Variants in BTRC observed in about 807,000 individuals in gnomAD.
The protein encoded by BTRC is beta-transducin repeat containing E3 ubiquitin protein ligase, also known as F-box/WD repeat-containing protein 1A.
BTRC carries 42 observed loss-of-function variants against 85.5 expected under a neutral mutation model. The observed-to-expected ratio is 0.49, with a 90% CI of 0.38 to 0.64. The LOEUF is 0.64. Among genes scored for constraint, BTRC ranks in the 30% least tolerant of loss-of-function variants. The pLI, the probability that BTRC is intolerant of heterozygous loss-of-function variation, is 0.00. For synonymous variants in BTRC, 255 were observed against 263.3 expected (o/e 0.97, Z 0.30); for missense variants, 594 against 743.5 (o/e 0.80, Z 2.34).
chr10:101,437,721 C>G (rs1032007212), intron 2 of BTRC, among the ~76,000 whole-genome samples: 2 of 152,142 alleles, frequency 1.3e-5, no homozygotes, highest in Non-Finnish European at 2.9e-5. Context: ...TTGAATTTGG[C>G]TTATATCTGA....
rs141493730 is a variant in BTRC, at chr10:101,535,388, C to T, written c.1382C>T (p.Thr461Ile). The T allele has an allele frequency of 1.9e-6, 3 of 1,613,832 alleles. No individual in the cohort carries two copies. In the African/African-American group the frequency reaches 4.0e-5, roughly 22 times the overall value. The change falls in exon 11 of 15, where the codon ACC becomes ATC. Residue 461 changes from threonine (T) to isoleucine (I), a missense_variant. Coordinates refer to ENST00000370187, the MANE Select transcript of BTRC (RefSeq NM_033637.4). ...ACAAGTACTTGTGAATTTGTAAGGA[C>T]CTTAAATGGACACAAACGAGGCATT... ...WNTSTCEFVR[T>I]LNGHKRGIAC...
chr10:101,505,157 G>GTATATGTATATA (rs1946497418), intron 4 of BTRC, among the ~76,000 whole-genome samples: 1 of 118,926 alleles, frequency 8.4e-6, no homozygotes, highest in Admixed American at 9.0e-5. Context: ...ATATGTATAT[G>GTATATGTATATA]TATATATATA....
chr10:101,398,255 A>G (rs1943411645), intron 1 of BTRC, among the ~76,000 whole-genome samples: 1 of 152,198 alleles, frequency 6.6e-6, no homozygotes, highest in South Asian at 2.1e-4. Context: ...AAATATCCAT[A>G]AAATTAAGTA....
At position 101,522,378 on chromosome 10, in the gene BTRC, A is replaced by C. The variant is rs1182873310; in HGVS notation, c.556+508A>C. Among the ~76,000 whole-genome samples the C allele has an allele frequency of 2.9e-3, 95 of 33,330 alleles. 1 individual carries two copies. In the East Asian group the frequency reaches 0.13, roughly 47 times the overall value. The allele number at this position is 33,330 out of a possible 152,430, so 21.9% of individuals were successfully genotyped here. A position where few individuals can be genotyped will look rare whatever the true frequency, so the allele number is the denominator to read the frequency against. ...AAAAAAAAAAAAAACAAAAAAAAAC[A>C]AAAAAAAAAAAACTCTAGAAATAAA... On this transcript the variant is annotated intron_variant, in intron 5 of 14. Transcript: ENST00000370187.
chr10:101,408,434 G>A (rs1221977047), intron 1 of BTRC, among the ~76,000 whole-genome samples: 2 of 152,024 alleles, frequency 1.3e-5, no homozygotes, highest in Non-Finnish European at 2.9e-5. Context: ...AGCCTCCTGA[G>A]TAGCTGGGAC....
chr10:101,438,342 A>G (rs945142877), intron 2 of BTRC, among the ~76,000 whole-genome samples: 10 of 143,826 alleles, frequency 7.0e-5, no homozygotes, highest in South Asian at 2.3e-4. Flanking sequence ...GGAGAATGGC[A>G]TGAACCCGGG....
chr10:101,366,928 TTATATATATTTATATATATTTA>T lies in BTRC; in HGVS notation c.48+12717_48+12738del, dbSNP rs1564730355. ...TATATTAATATATATTTATATATAT[TTATATATATTTATATATATTTA>T]TATATATATTTATATAAATATATAT... is the stretch of plus-strand genomic sequence containing the variant. On this transcript the variant is annotated intron_variant, in intron 1 of 14. Transcript: ENST00000370187. 3.7e-4 allele frequency among the ~76,000 whole-genome samples: 5 copies of T among 13,596 alleles called. 1 individual carries two copies. The highest frequency in any genetic ancestry group is 2.1e-3 in the Admixed American group (1 of 486). The allele number at this position is 13,596 out of a possible 152,430, so 8.9% of individuals were successfully genotyped here.
intron 1 of BTRC, chr10:101,414,558 G>C: frequency 2.1e-6 from 1 of 470,704 alleles, no homozygotes; most frequent in Non-Finnish European, 4.2e-6. Context: ...AAAATTAACT[G>C]TAAAACAGCG....
intron 2 of BTRC, among the ~76,000 whole-genome samples, chr10:101,453,794 A>C: frequency 6.6e-6 from 1 of 152,208 alleles, no homozygotes; most frequent in South Asian, 2.1e-4. Flanking sequence ...TCAAAAATAC[A>C]AACAGCCTCA....
intron 14 of BTRC, among the ~76,000 whole-genome samples, chr10:101,551,778 C>T (rs1400978447): frequency 6.6e-6 from 1 of 152,200 alleles, no homozygotes; most frequent in Non-Finnish European, 1.5e-5. Context: ...ACAGAGGACA[C>T]GGTTCGTCGT....
chr10:101,482,867 T>C (rs781571595), intron 4 of BTRC, among the ~76,000 whole-genome samples: 1 of 152,198 alleles, frequency 6.6e-6, no homozygotes, highest in Non-Finnish European at 1.5e-5. Context: ...GGTACAAGTG[T>C]CTGTTGTTGA....
At chr10:101,392,715 G>C (rs894953168) in intron 1 of BTRC, among the ~76,000 whole-genome samples, 1 of 152,026 alleles carries the variant, frequency 6.6e-6, no homozygotes, top group Non-Finnish European at 1.5e-5. Flanking sequence ...GTAGAGACAG[G>C]GTTTCACCAT....
rs571232783 is a variant in BTRC at position 101,426,445 on chromosome 10, C to T, written c.49-3900C>T. Among the ~76,000 whole-genome samples, 5 of 152,128 alleles carry T rather than the reference C, an allele frequency of 3.3e-5. No individual in the cohort carries two copies. In the East Asian group the frequency reaches 9.6e-4, roughly 29 times the overall value. ...ATTAATGCTATTTTGGAAATCACAC[C>T]GGTATATCTAGTGGCTTTCCTGGGT... On this transcript the variant is annotated intron_variant, in intron 1 of 14. Coordinates refer to ENST00000370187, the MANE Select transcript of BTRC (RefSeq NM_033637.4).
intron 1 of BTRC, chr10:101,364,920 T>A (rs1463995662): frequency 2.0e-5 from 3 of 151,290 alleles, no homozygotes; most frequent in Admixed American, 6.6e-5. Context: ...TCCTATTCCA[T>A]CTCCCTGCTC....
At chr10:101,423,920 A>G (rs1298455707) in intron 1 of BTRC, among the ~76,000 whole-genome samples, 1 of 152,114 alleles carries the variant, frequency 6.6e-6, no homozygotes, top group Non-Finnish European at 1.5e-5. Context: ...TTTCTTTTGC[A>G]CTTTGCAGCT....
In BTRC at chr10:101,554,490, A is replaced by G. The variant is rs1001286954; in HGVS notation, c.*1367A>G. On this transcript the variant is annotated 3_prime_UTR_variant, in exon 15 of 15. Transcript: ENST00000370187. ...ATTGATCTCACCGTGTCAACCTTGC[A>G]CTGCACAACCTTCCTTCTGCTTCTC... The G allele has an allele frequency of 2.0e-5, 3 of 152,616 alleles. No individual in the cohort carries two copies. Among genetic ancestry groups the G allele is most frequent in the Non-Finnish European group, 4.4e-5 (3 of 68,046 alleles). 9.5% of individuals were successfully genotyped at this position (152,616 alleles called of 1,614,324 possible). A position where few individuals can be genotyped will look rare whatever the true frequency, so the allele number is the denominator to read the frequency against.
Position 101,404,093 on chromosome 10 carries a change from G to A in BTRC, c.49-26252G>A, listed in dbSNP as rs527334858. ...GTCACCCAGGCTGGAGTGCAGTGGC[G>A]CATCTCAGCTCACTGCAAGCTCCGC... On this transcript the variant is annotated intron_variant, in intron 1 of 14. Transcript: ENST00000370187. 3.7e-5 allele frequency among the ~76,000 whole-genome samples: 5 copies of A among 133,356 alleles called. No homozygotes were observed. The South Asian group carries it at 1.3e-3, about 33-fold the overall frequency. 87.5% of individuals were successfully genotyped at this position (133,356 alleles called of 152,430 possible). A position where few individuals can be genotyped will look rare whatever the true frequency, so the allele number is the denominator to read the frequency against.
intron 8 of BTRC, 136 bp from the exon 9 acceptor site, chr10:101,532,816 C>A (rs2062319233): frequency 5.1e-6 from 3 of 584,024 alleles, no homozygotes; most frequent in South Asian, 3.8e-5. Context: ...GCGCGCTTAG[C>A]TATACCTATA....
rs1395892918 is a variant in BTRC at position 101,356,960 on chromosome 10, C to G, written c.48+2732C>G. 3.3e-5 allele frequency among the ~76,000 whole-genome samples: 5 copies of G among 151,514 alleles called. No individual in the cohort carries two copies. In the East Asian group the frequency reaches 9.7e-4, roughly 29 times the overall value. On this transcript the variant is annotated intron_variant, in intron 1 of 14. Transcript: ENST00000370187. ...CCTGGCTAACATGGTGAAACTCCGT[C>G]TCTCTAAAAATACAAAAAATTAGGC...
Sources: allele counts gnomAD v4.1 joint callset (sites outside exome capture counted in the v4.1 genomes callset), GRCh38; gene constraint gnomAD v4.1.1; transcripts MANE v1.5; gene names NCBI Gene and HGNC (gene_info 2026-07-23, HGNC 2026-07-21).